ASAH2: variants seen among roughly 807,000 people sequenced by gnomAD.
ASAH2 encodes the protein N-acylsphingosine amidohydrolase 2, also known as neutral ceramidase.
ASAH2 carries 58 observed loss-of-function variants against 82.9 expected under a neutral mutation model. The observed-to-expected ratio is 0.70, with a 90% confidence interval of 0.57 to 0.87. The LOEUF is 0.87. Ranked by LOEUF, ASAH2 falls within the 40% of genes least tolerant of loss-of-function variation. The pLI is 0.00. For synonymous variants in ASAH2, 276 were observed against 289.7 expected, an observed-to-expected ratio of 0.95 and a Z score of 0.48; for missense variants, 779 against 834.0, an observed-to-expected ratio of 0.93 and a Z score of 0.81.
chr10:50,243,583 C>T (rs766963173), intron 3 of ASAH2, among the ~76,000 whole-genome samples: 1 of 152,152 alleles, frequency 6.6e-6, no homozygotes, highest in Non-Finnish European at 1.5e-5. Context: ...AATGCAAAGG[C>T]AAAGAATCGA....
chr10:50,195,693 A>C (rs1844957937), intron 18 of ASAH2, among the ~76,000 whole-genome samples: 1 of 151,872 alleles, frequency 6.6e-6, no homozygotes, highest in Non-Finnish European at 1.5e-5. Flanking sequence ...ACATATACAC[A>C]ATGGAATACT....
intron 7 of ASAH2, 66 bp downstream of exon 7, chr10:50,233,118 T>G: frequency 8.4e-7 from 1 of 1,195,562 alleles, no homozygotes; most frequent in Non-Finnish European, 1.3e-6. Context: ...TTCTAGTCTC[T>G]TTTCCCTTCT....
chr10:50,198,040 A>G (rs1320426195), intron 17 of ASAH2, among the ~76,000 whole-genome samples: 1 of 150,898 alleles, frequency 6.6e-6, no homozygotes, highest in Non-Finnish European at 1.5e-5. Flanking sequence ...GTGCAAAGAA[A>G]TTATATAAAA....
chr10:50,211,219 CA>C, intron 10 of ASAH2, 85 bp from the exon 11 acceptor site: 1 of 1,060,474 alleles, frequency 9.4e-7, no homozygotes, highest in Non-Finnish European at 1.5e-6. Flanking sequence ...CAATTTGATG[CA>C]ATTTGGAAAT....
Position 50,236,061 on chromosome 10 carries a change from G to A in ASAH2, c.514C>T (p.Leu172=), listed in dbSNP as rs920779243. 32 of 1,612,768 alleles carry A rather than the reference G, an allele frequency of 2.0e-5. No individual in the cohort carries two copies. The highest frequency in any genetic ancestry group is 1.6e-4 in the Middle Eastern group (1 of 6,062). ...MVSQRLRLEV[L]NRLQSKYGSL... The stretch of plus-strand genomic sequence containing the variant: ...CCATATTTACTCTGCAGTCTGTTCA[G>A]GACCTTCAAGAAAAAAAGTAATTGA... Residue 172 remains leucine (L), a synonymous_variant, in exon 5 of 21, where the codon CTG becomes TTG. Transcript: ENST00000682911.
chr10:50,217,100 G>T (rs1845621702), intron 8 of ASAH2, among the ~76,000 whole-genome samples: 2 of 152,142 alleles, frequency 1.3e-5, no homozygotes, highest in South Asian at 4.1e-4. Flanking sequence ...CACTCTCTAG[G>T]GAATGGATTG....
Position 50,233,102 on chromosome 10 carries a change from G to A in ASAH2, c.893+82C>T, listed in dbSNP as rs1589349962. 3 of 1,045,458 alleles carry A rather than the reference G, an allele frequency of 2.9e-6. No homozygotes were observed. In the Admixed American group the frequency reaches 5.1e-5, roughly 18 times the overall value. The allele number at this position is 1,045,458 out of a possible 1,614,324, so 64.8% of individuals were successfully genotyped here. A position where few individuals can be genotyped will look rare whatever the true frequency, so the allele number is the denominator to read the frequency against. On this transcript the variant is annotated intron_variant, in intron 7 of 20. Transcript: ENST00000682911. ...CACAACTTATTCTCAGTGTGTGCTG[G>A]TACTATTCTAGTCTCTTTTCCCTTC...
chr10:50,225,623 A>T (rs1022664027), intron 7 of ASAH2, among the ~76,000 whole-genome samples: 1 of 152,186 alleles, frequency 6.6e-6, no homozygotes, highest in Non-Finnish European at 1.5e-5. Context: ...GATTGGCAAG[A>T]GTATGACAAA....
chr10:50,210,780 C>A, intron 12 of ASAH2, 43 bp downstream of exon 12: 1 of 1,437,728 alleles, frequency 7.0e-7, no homozygotes, highest in Non-Finnish European at 9.8e-7. Context: ...AACCCAGAAG[C>A]TTCAGAAGCT....
intron 12 of ASAH2, among the ~76,000 whole-genome samples, chr10:50,209,407 T>A (rs1222158808): frequency 2.0e-5 from 3 of 152,180 alleles, no homozygotes; most frequent in Non-Finnish European, 2.9e-5. Context: ...TGGAGTGCAG[T>A]GGTGCAATCT....
intron 12 of ASAH2, among the ~76,000 whole-genome samples, chr10:50,206,962 A>G (rs1845316091): frequency 1.3e-5 from 2 of 151,994 alleles, no homozygotes; most frequent in South Asian, 2.1e-4. Context: ...AAATTTTACA[A>G]AGTAGAAATA....
chr10:50,194,985 G>T (rs1336747234), intron 18 of ASAH2, among the ~76,000 whole-genome samples: 2 of 142,538 alleles, frequency 1.4e-5, no homozygotes, highest in African/African-American at 5.1e-5. Flanking sequence ...TGTAGGCGAT[G>T]TTTTTTTTTT....
At chr10:50,244,982 T>A (rs1425750527) in intron 3 of ASAH2, among the ~76,000 whole-genome samples, 1 of 150,416 alleles carries the variant, frequency 6.6e-6, no homozygotes, top group African/African-American at 2.5e-5. Context: ...GAGTTTGCCA[T>A]CTCTGCCACT....
chr10:50,237,006 T>C (rs1846178329), intron 4 of ASAH2, among the ~76,000 whole-genome samples: 8 of 152,136 alleles, frequency 5.3e-5, no homozygotes. Flanking sequence ...AAAAACATTG[T>C]TGCATAAGGA....
At chr10:50,196,121 A>G (rs1425998528) in intron 18 of ASAH2, among the ~76,000 whole-genome samples, 27 of 151,846 alleles carry the variant, frequency 1.8e-4, no homozygotes, top group Admixed American at 1.7e-3. Flanking sequence ...TTCCCCATGT[A>G]TACATATTTC....
chr10:50,227,821 C>G (rs1203872867), intron 7 of ASAH2, among the ~76,000 whole-genome samples: 2 of 152,134 alleles, frequency 1.3e-5, no homozygotes, highest in Admixed American at 1.3e-4. Context: ...CCATCTTGGT[C>G]ATCTAAAAGC....
intron 1 of ASAH2, among the ~76,000 whole-genome samples, chr10:50,249,026 A>G (rs1162324698): frequency 6.6e-6 from 1 of 152,220 alleles, no homozygotes; most frequent in Non-Finnish European, 1.5e-5. Flanking sequence ...TGCCTCTGTT[A>G]ACAAGGATGA....
At chr10:50,202,752 C>T in intron 16 of ASAH2, 77 bp downstream of exon 16, 1 of 1,041,680 alleles carries the variant, frequency 9.6e-7, no homozygotes, top group South Asian at 1.3e-5. Context: ...GGAAAGTTTA[C>T]AAAGCAAGTC....
Position 50,251,316 on chromosome 10 carries a change from TC to T in ASAH2, c.-37+78del, listed in dbSNP as rs201605661. ...TGAGATAAATTGAAGCTTTAGGGTC[TC>T]TTCAAGATCTCTGAGACAATAGGAT... On this transcript the variant is annotated intron_variant, in intron 1 of 20. Coordinates refer to ENST00000682911, the MANE Select transcript of ASAH2 (RefSeq NM_019893.4). Among the ~76,000 whole-genome samples, 958 of 152,292 alleles carry T rather than the reference TC, an allele frequency of 6.3e-3. 8 individuals carry two copies. Among genetic ancestry groups the T allele is most frequent in the Non-Finnish European group, 6.5e-3 (439 of 68,014 alleles).
Sources: gnomAD v4.1 joint callset for allele counts (sites outside exome capture counted in the v4.1 genomes callset) on GRCh38, gnomAD v4.1.1 for gene constraint, MANE v1.5 for transcripts, NCBI Gene and HGNC (gene_info 2026-07-23, HGNC 2026-07-21) for gene names.